The following ZCWPW2 variants were observed in gnomAD, a reference collection of about 807,000 sequenced individuals.
ZCWPW2 encodes the protein zinc finger CW-type PWWP domain protein 2.
In ZCWPW2, 45 loss-of-function variants were observed where a neutral mutation model predicts 46.6. The observed-to-expected ratio is 0.96, with a 90% CI of 0.76 to 1.24. The LOEUF is 1.24. ZCWPW2 is among the 50% of genes most tolerant of loss of function. ZCWPW2 has a pLI of 0.00. For missense variants in ZCWPW2, 429 were observed against 403.9 expected, an observed-to-expected ratio of 1.06 and a Z score of -0.53; for synonymous variants, 152 against 137.1, an observed-to-expected ratio of 1.11 and a Z score of -0.76.
At chr3:28,421,137 TC>T in intron 3 of ZCWPW2, among the ~76,000 whole-genome samples, 1 of 152,248 alleles carries the variant, frequency 6.6e-6, no homozygotes, top group Admixed American at 6.5e-5. Flanking sequence ...GAGTCAAGGT[TC>T]CCCACTCAGC....
At chr3:28,481,823 G>A (rs915407231) in intron 5 of ZCWPW2, among the ~76,000 whole-genome samples, 1 of 152,056 alleles carries the variant, frequency 6.6e-6, no homozygotes. Context: ...CAAATAAGTA[G>A]GTTTGAAAAG....
At chr3:28,360,349 CAAAAAAAAAAAAAAA>C (rs71087692) in intron 1 of ZCWPW2, among the ~76,000 whole-genome samples, 1 of 53,926 alleles carries the variant, frequency 1.9e-5, no homozygotes. Flanking sequence ...ACTAAAAATA[CAAAAAAAAAAAAAAA>C]AAAAAAAAAA....
chr3:28,474,620 T>TGTGTGTGTGTGC (rs777191108), intron 4 of ZCWPW2, among the ~76,000 whole-genome samples: 271 of 121,674 alleles, frequency 2.2e-3, no homozygotes, highest in African/African-American at 6.0e-3. Flanking sequence ...TGTGTGTGTG[T>TGTGTGTGTGTGC]GCGCGCGCGC....
intron 1 of ZCWPW2, among the ~76,000 whole-genome samples, chr3:28,355,501 T>G (rs1704697896): frequency 6.6e-6 from 1 of 152,212 alleles, no homozygotes; most frequent in Non-Finnish European, 1.5e-5. Context: ...AAAAACTACT[T>G]TAAAGTTCAT....
At chr3:28,524,486 A>C in intron 9 of ZCWPW2, 41 bp from the exon 10 acceptor site, 2 of 1,575,532 alleles carry the variant, frequency 1.3e-6, no homozygotes, top group African/African-American at 2.7e-5. Context: ...TAATCAGGTA[A>C]ATTTGACATA....
chr3:28,439,244 G>A (rs894216378), intron 4 of ZCWPW2, among the ~76,000 whole-genome samples: 1 of 151,008 alleles, frequency 6.6e-6, no homozygotes, highest in East Asian at 2.0e-4. Context: ...AGCTTGAGGA[G>A]CAAAGAGAAC....
intron 3 of ZCWPW2, among the ~76,000 whole-genome samples, chr3:28,414,589 G>A (rs1481879268): frequency 7.3e-6 from 1 of 137,072 alleles, no homozygotes; most frequent in Non-Finnish European, 1.6e-5. Context: ...GTATATCTCC[G>A]AATGCTATCC....
At chr3:28,492,918 G>T (rs989911772) in intron 6 of ZCWPW2, among the ~76,000 whole-genome samples, 4 of 152,104 alleles carry the variant, frequency 2.6e-5, no homozygotes, top group South Asian at 2.1e-4. Flanking sequence ...CAGATCAAGG[G>T]AAGGTCAAGT....
intron 2 of ZCWPW2, among the ~76,000 whole-genome samples, chr3:28,411,062 A>G (rs1696378431): frequency 6.6e-6 from 1 of 151,942 alleles, no homozygotes; most frequent in Admixed American, 6.6e-5. Flanking sequence ...TATGAAAACC[A>G]GACAAAGACA....
At position 28,431,739 on chromosome 3, in the gene ZCWPW2, C is replaced by T. The variant is rs1052467308; in HGVS notation, c.333-3371C>T. On this transcript the variant is annotated intron_variant, in intron 3 of 9. Transcript: ENST00000383768. The stretch of plus-strand genomic sequence containing the variant: ...TATGTTTGTTTGAACTTTATAACAA[C>T]ACAGTGAGGAACCAGTTACTATGAG... Among the ~76,000 whole-genome samples the T allele has an allele frequency of 5.3e-5, 8 of 152,224 alleles. No homozygotes were observed. The East Asian group carries it at 1.5e-3, about 29-fold the overall frequency.
At chr3:28,373,223 G>T (rs547886875) in intron 1 of ZCWPW2, among the ~76,000 whole-genome samples, 1 of 152,198 alleles carries the variant, frequency 6.6e-6, no homozygotes, top group African/African-American at 2.4e-5. Flanking sequence ...TTTTTGGAGG[G>T]ACATCTATGC....
chr3:28,436,643 A>G (rs1697513406), intron 4 of ZCWPW2, among the ~76,000 whole-genome samples: 3 of 152,250 alleles, frequency 2.0e-5, no homozygotes, highest in South Asian at 2.1e-4. Flanking sequence ...GGTGTTTTAT[A>G]CTATTCAGTT....
At chr3:28,467,944 T>A (rs1375927823) in intron 4 of ZCWPW2, among the ~76,000 whole-genome samples, 2 of 151,848 alleles carry the variant, frequency 1.3e-5, no homozygotes, top group African/African-American at 4.8e-5. Context: ...ATCAAGACCA[T>A]CCAGGAAAAC....
chr3:28,441,922 T>G (rs1340850559), intron 4 of ZCWPW2, among the ~76,000 whole-genome samples: 1 of 152,184 alleles, frequency 6.6e-6, no homozygotes, highest in African/African-American at 2.4e-5. Flanking sequence ...GGCAGGGCCT[T>G]GCTCCAAAAT....
At chr3:28,349,247 C>A (rs1704429784) in intron 1 of ZCWPW2, 44 bp downstream of exon 1, 3 of 973,256 alleles carry the variant, frequency 3.1e-6, no homozygotes, top group Non-Finnish European at 3.7e-6. Context: ...CCGAGGTCCC[C>A]CTTCAGGGGC....
chr3:28,410,439 T>C (rs1474002504), intron 2 of ZCWPW2, among the ~76,000 whole-genome samples: 1 of 151,876 alleles, frequency 6.6e-6, no homozygotes, highest in Non-Finnish European at 1.5e-5. Context: ...TGCACACATA[T>C]AACATTCACA....
At position 28,478,949 on chromosome 3, in the gene ZCWPW2, C is replaced by A; in HGVS notation, c.610+18C>A. 6.9e-7 allele frequency: 1 copy of A among 1,454,692 alleles called. No individual in the cohort carries two copies. The highest frequency in any genetic ancestry group is 2.4e-5 in the East Asian group (1 of 41,748). 90.1% of individuals were successfully genotyped at this position (1,454,692 alleles called of 1,614,324 possible). A position where few individuals can be genotyped will look rare whatever the true frequency, so the allele number is the denominator to read the frequency against. On this transcript the variant is annotated intron_variant, in intron 5 of 9. Coordinates refer to ENST00000383768, the MANE Select transcript of ZCWPW2 (RefSeq NM_001040432.4). ...ACTACAAGGTGTATAAATATTTTTT[C>A]TTTATTACTCTGAAATAAGGATTTA...
intron 9 of ZCWPW2, 73 bp downstream of exon 9, chr3:28,521,189 G>T (rs573495291): frequency 2.7e-6 from 4 of 1,470,644 alleles, no homozygotes; most frequent in Non-Finnish European, 3.6e-6. Context: ...GTTCCTAGTT[G>T]TACATTTTAA....
intron 2 of ZCWPW2, among the ~76,000 whole-genome samples, chr3:28,412,417 C>T (rs1474033386): frequency 2.0e-5 from 3 of 151,716 alleles, no homozygotes; most frequent in African/African-American, 7.3e-5. Context: ...AAATATTTTG[C>T]TGCATTTGAT....
Sources: allele counts gnomAD v4.1 joint callset (sites outside exome capture counted in the v4.1 genomes callset), GRCh38; gene constraint gnomAD v4.1.1; transcripts MANE v1.5; gene names NCBI Gene and HGNC (gene_info 2026-07-23, HGNC 2026-07-21).